PARG: variants seen among roughly 807,000 people sequenced by gnomAD.
PARG encodes the protein poly(ADP-ribose) glycohydrolase.
In PARG, 35 loss-of-function variants were observed where a neutral mutation model predicts 113.0. The ratio of observed to expected loss-of-function variants is 0.31; its 90% CI spans 0.24 to 0.41. PARG has a LOEUF of 0.41. Ranked by LOEUF, PARG falls within the 10% of genes least tolerant of loss-of-function variation. PARG has a pLI of 1.00. For synonymous variants in PARG, 330 were observed against 409.9 expected (o/e 0.81, Z 2.36); for missense variants, 797 against 1,169.4 (o/e 0.68, Z 4.64).
rs1473522978 is a variant in PARG at position 49,932,235 on chromosome 10, A to T, written c.1320T>A (p.Pro440=). 1.3e-6 allele frequency: 2 copies of T among 1,598,134 alleles called. No homozygotes were observed. Among genetic ancestry groups the T allele is most frequent in the African/African-American group, 2.7e-5 (2 of 74,658 alleles). The change falls in exon 4 of 18, where the codon CCT becomes CCA. Residue 440 remains proline, a synonymous_variant. Coordinates refer to ENST00000616448, the MANE Select transcript of PARG (RefSeq NM_003631.5). ...GAGAAAGGTGAGGTGGAACGTATTT[A>T]GGGATCTTCCTTTCTGTTCTTTGAT... ...TKHQRTERKI[P]KYVPPHLSPD... is the part of the protein sequence containing the mutation.
intron 14 of PARG, 77 bp downstream of exon 14, chr10:49,843,477 G>A (rs1363034824): frequency 2.5e-6 from 2 of 812,882 alleles, no homozygotes; most frequent in Non-Finnish European, 4.2e-6. Flanking sequence ...CAAGTAGACA[G>A]AATGAGAGTG....
intron 17 of PARG, 102 bp from the exon 18 acceptor site, chr10:49,819,596 C>G: frequency 1.2e-6 from 1 of 843,950 alleles, no homozygotes; most frequent in Non-Finnish European, 1.9e-6. Context: ...GGCATATGCT[C>G]AGACTTGGCT....
intron 8 of PARG, among the ~76,000 whole-genome samples, chr10:49,883,193 A>T (rs1173057650): frequency 6.6e-6 from 1 of 152,260 alleles, no homozygotes; most frequent in African/African-American, 2.4e-5. Flanking sequence ...TTGGACATGT[A>T]TGCGTTGTTT....
chr10:49,890,695 AC>A (rs1434415402), intron 7 of PARG, among the ~76,000 whole-genome samples: 1 of 152,228 alleles, frequency 6.6e-6, no homozygotes, highest in Non-Finnish European at 1.5e-5. Flanking sequence ...AAATAAAGGA[AC>A]TAAATCTGCC....
intron 15 of PARG, among the ~76,000 whole-genome samples, chr10:49,834,626 T>C (rs1844826958): frequency 6.6e-6 from 1 of 152,140 alleles, no homozygotes. Context: ...TAAAAGTTCA[T>C]GGCTGTAACC....
intron 9 of PARG, among the ~76,000 whole-genome samples, chr10:49,876,637 T>C (rs1202280556): frequency 1.3e-5 from 2 of 152,166 alleles, no homozygotes; most frequent in African/African-American, 4.8e-5. Context: ...ATACGTGAAC[T>C]GAGTACTGGA....
rs368552693 is a variant in PARG at position 49,841,962 on chromosome 10, G to A, written c.2529C>T (p.Arg843=). ...LDQFVPEKMR[R]ELNKAYCGFL... is the part of the protein sequence containing the mutation. The stretch of plus-strand genomic sequence containing the variant: ...TAAGGTTACTGGCCTTGTTCAGCTC[G>A]CGTCTCATTTTCTCAGGCACAAACT... Residue 843 remains arginine (R), a synonymous_variant, in exon 15 of 18, where the codon CGC becomes CGT. Transcript: ENST00000616448. The A allele has an allele frequency of 1.6e-4, 250 of 1,545,506 alleles. No homozygotes were observed. Among genetic ancestry groups the A allele is most frequent in the Middle Eastern group, 3.3e-4 (2 of 6,012 alleles).
intron 9 of PARG, among the ~76,000 whole-genome samples, chr10:49,869,838 C>T (rs1489266205): frequency 6.6e-6 from 1 of 151,850 alleles, no homozygotes; most frequent in Non-Finnish European, 1.5e-5. Context: ...CACCATCCAG[C>T]CCTCCCAGTC....
chr10:49,917,992 T>C (rs1264556963), intron 6 of PARG, among the ~76,000 whole-genome samples: 5 of 152,060 alleles, frequency 3.3e-5, no homozygotes, highest in African/African-American at 1.2e-4. Flanking sequence ...TTGAACAACA[T>C]GGATGAATCT....
At chr10:49,846,766 G>A (rs1376092382) in intron 13 of PARG, among the ~76,000 whole-genome samples, 1 of 152,030 alleles carries the variant, frequency 6.6e-6, no homozygotes, top group Non-Finnish European at 1.5e-5. Flanking sequence ...GTGTGTGTGT[G>A]TGTGTGTTTG....
intron 15 of PARG, among the ~76,000 whole-genome samples, chr10:49,835,490 GA>G (rs1844870533): frequency 6.6e-6 from 1 of 152,108 alleles, no homozygotes. Flanking sequence ...GGGAAGGGAA[GA>G]AGACAGCGAA....
chr10:49,895,695 C>T lies in PARG; in HGVS notation c.1738-10400G>A, dbSNP rs543245197. Among the ~76,000 whole-genome samples, 18 of 152,074 alleles carry T rather than the reference C, an allele frequency of 1.2e-4. 1 individual carries two copies. Among genetic ancestry groups the T allele is most frequent in the South Asian group, 8.3e-4 (4 of 4,808 alleles). ...TGCTGGGATTACAAGTGTGAGCCAC[C>T]GCGCCCGGCCGAGAACTGATATCTT... On this transcript the variant is annotated intron_variant, in intron 7 of 17. Coordinates refer to ENST00000616448, the MANE Select transcript of PARG (RefSeq NM_003631.5).
At chr10:49,831,008 A>T (rs1844631787) in intron 16 of PARG, among the ~76,000 whole-genome samples, 3 of 152,100 alleles carry the variant, frequency 2.0e-5, no homozygotes, top group Non-Finnish European at 4.4e-5. Flanking sequence ...GCCACTAACA[A>T]ATGCTGAGTA....
At chr10:49,827,200 A>G (rs1176880399) in intron 16 of PARG, among the ~76,000 whole-genome samples, 2 of 152,254 alleles carry the variant, frequency 1.3e-5, no homozygotes, top group African/African-American at 4.8e-5. Context: ...ACAGACAGAC[A>G]GTTACAGAAA....
At chr10:49,841,759 T>G (rs954279538) in intron 15 of PARG, among the ~76,000 whole-genome samples, 191 bp downstream of exon 15, 4 of 152,178 alleles carry the variant, frequency 2.6e-5, no homozygotes, top group Non-Finnish European at 4.4e-5. Flanking sequence ...CTGGCAACCT[T>G]AGCTGCGAAT....
chr10:49,923,140 T>C (rs1837976594), intron 4 of PARG, among the ~76,000 whole-genome samples: 1 of 152,206 alleles, frequency 6.6e-6, no homozygotes, highest in African/African-American at 2.4e-5. Context: ...TTCATATTTA[T>C]ATGCCTGTAT....
At chr10:49,836,923 T>C (rs988540559) in intron 15 of PARG, among the ~76,000 whole-genome samples, 22 of 152,346 alleles carry the variant, frequency 1.4e-4, no homozygotes, top group African/African-American at 5.0e-4. Flanking sequence ...CCTAAAATCC[T>C]ACCTAACATG....
intron 1 of PARG, among the ~76,000 whole-genome samples, chr10:49,938,068 A>G (rs1255145289): frequency 6.6e-6 from 1 of 152,212 alleles, no homozygotes; most frequent in African/African-American, 2.4e-5. Flanking sequence ...GGCAATAAGA[A>G]GTGATGAAAA....
At chr10:49,824,702 G>C (rs1187760696) in intron 16 of PARG, among the ~76,000 whole-genome samples, 2 of 152,148 alleles carry the variant, frequency 1.3e-5, no homozygotes, top group African/African-American at 4.8e-5. Flanking sequence ...ATAGCATGCT[G>C]AACACTGTTC....
Sources: gnomAD v4.1 joint callset for allele counts (sites outside exome capture counted in the v4.1 genomes callset) on GRCh38, gnomAD v4.1.1 for gene constraint, MANE v1.5 for transcripts, NCBI Gene and HGNC (gene_info 2026-07-23, HGNC 2026-07-21) for gene names.